The following WTAP variants were observed in gnomAD, a reference collection of about 807,000 sequenced individuals.
WTAP encodes pre-mRNA-splicing regulator WTAP.
In WTAP, 8 loss-of-function variants were observed where a neutral mutation model predicts 50.0. The ratio of observed to expected loss-of-function variants is 0.16; its 90% confidence interval spans 0.09 to 0.29. WTAP has a LOEUF of 0.29. WTAP is among the 10% of genes least tolerant of loss of function. The pLI, the probability that WTAP is intolerant of heterozygous loss-of-function variation, is 1.00. For synonymous variants in WTAP, 194 were observed against 169.0 expected (o/e 1.15, Z -1.15); for missense variants, 295 against 470.7 (o/e 0.63, Z 3.45).
At chr6:159,737,636 G>T (rs1463424289) in intron 2 of WTAP, among the ~76,000 whole-genome samples, 1 of 151,748 alleles carries the variant, frequency 6.6e-6, no homozygotes, top group African/African-American at 2.4e-5. Flanking sequence ...CAGACTACAG[G>T]TGTGCCACTA....
chr6:159,729,183 C>G (rs544635229), intron 1 of WTAP, among the ~76,000 whole-genome samples: 50 of 152,244 alleles, frequency 3.3e-4, no homozygotes, highest in Non-Finnish European at 5.4e-4. Flanking sequence ...TATTGAATCC[C>G]CTTGAATATA....
chr6:159,742,175 CT>C (rs1208737459), intron 4 of WTAP, 29 bp downstream of exon 4: 1 of 1,524,432 alleles, frequency 6.6e-7, no homozygotes. Flanking sequence ...TTCCTAAAGA[CT>C]GAATAATCTC....
At chr6:159,737,160 A>G (rs1778971382) in intron 2 of WTAP, among the ~76,000 whole-genome samples, 1 of 151,892 alleles carries the variant, frequency 6.6e-6, no homozygotes, top group African/African-American at 2.4e-5. Flanking sequence ...CGATCATCCC[A>G]CCTCGGCCTC....
In WTAP at chr6:159,727,622, C is replaced by A. The variant is rs1381635593; in HGVS notation, c.-90C>A. 3.0e-6 allele frequency: 3 copies of A among 985,884 alleles called. No individual in the cohort carries two copies. In the African/African-American group the frequency reaches 5.3e-5, roughly 17 times the overall value. 61.1% of individuals were successfully genotyped at this position (985,884 alleles called of 1,614,324 possible). On this transcript the variant is annotated 5_prime_UTR_variant, in exon 1 of 8. Coordinates refer to ENST00000621533, the MANE Select transcript of WTAP (RefSeq NM_001270531.2). ...CAGAGCTGTCCGGCTGCGCGGTGGC[C>A]CGGGGGGCCCGGGCGGCAGGGCAAG...
chr6:159,734,463 A>C (rs1263308063), intron 1 of WTAP, among the ~76,000 whole-genome samples: 1 of 152,152 alleles, frequency 6.6e-6, no homozygotes, highest in Non-Finnish European at 1.5e-5. Flanking sequence ...ATGGGTAATT[A>C]AAATAAACCA....
intron 6 of WTAP, among the ~76,000 whole-genome samples, chr6:159,751,545 C>T (rs912943072): frequency 6.6e-6 from 1 of 152,206 alleles, no homozygotes; most frequent in Non-Finnish European, 1.5e-5. Context: ...AGGCTAACGC[C>T]TGAGAGTGCT....
intron 2 of WTAP, chr6:159,736,863 A>C (rs1239046946): frequency 1.3e-5 from 2 of 152,184 alleles, no homozygotes; most frequent in South Asian, 4.1e-4. Context: ...GTTATAAAAG[A>C]GGTAACATCG....
chr6:159,740,323 A>G (rs923286686), intron 3 of WTAP, among the ~76,000 whole-genome samples: 3 of 152,228 alleles, frequency 2.0e-5, no homozygotes, highest in African/African-American at 7.2e-5. Flanking sequence ...AGGTTTCTAA[A>G]TCATATGCAG....
intron 6 of WTAP, among the ~76,000 whole-genome samples, chr6:159,752,346 C>A (rs1045633495): frequency 2.0e-5 from 3 of 152,058 alleles, no homozygotes; most frequent in East Asian, 1.9e-4. Context: ...TAAAAGTGAT[C>A]ATTTCTTTTT....
At position 159,751,129 on chromosome 6, in the gene WTAP, CA is replaced by C. The variant is rs201807602; in HGVS notation, c.453-2326del. 5.9e-3 allele frequency among the ~76,000 whole-genome samples: 897 copies of C among 152,158 alleles called. 11 individuals are homozygous for C. The highest frequency in any genetic ancestry group is 0.021 in the African/African-American group (865 of 41,536). On this transcript the variant is annotated intron_variant, in intron 6 of 7. Coordinates refer to ENST00000621533, the MANE Select transcript of WTAP (RefSeq NM_001270531.2). ...TGTTTGTAATTTTAAAAAATTATTT[CA>C]AAAACAACTACTTGTAATTAAATTA...
At chr6:159,743,258 G>A (rs1268532585) in intron 4 of WTAP, among the ~76,000 whole-genome samples, 1 of 152,178 alleles carries the variant, frequency 6.6e-6, no homozygotes, top group Non-Finnish European at 1.5e-5. Context: ...TGTTGGTTAG[G>A]CTGGTCTGAA....
chr6:159,739,433 T>A (rs1779109568), intron 3 of WTAP, among the ~76,000 whole-genome samples: 2 of 152,334 alleles, frequency 1.3e-5, no homozygotes, highest in East Asian at 1.9e-4. Context: ...TTCATACTCT[T>A]CATTTTCTCA....
Position 159,753,631 on chromosome 6 carries a change from T to C in WTAP, c.607+17T>C, listed in dbSNP as rs755311698. 210 of 1,587,954 alleles carry C rather than the reference T, an allele frequency of 1.3e-4. No homozygotes were observed. The highest frequency in any genetic ancestry group is 1.7e-4 in the Non-Finnish European group (203 of 1,167,732). ...GTCAGGATGGTAAGGGGTTTGTTTC[T>C]TTTTGGAACGTTGTCTCAACTTTGC... On this transcript the variant is annotated intron_variant, in intron 7 of 7. Transcript: ENST00000621533.
chr6:159,738,307 A>C (rs1289082449), intron 2 of WTAP, among the ~76,000 whole-genome samples: 3 of 152,174 alleles, frequency 2.0e-5, no homozygotes, highest in African/African-American at 7.2e-5. Flanking sequence ...GTTACTTCAG[A>C]GTGTTATATA....
At position 159,755,750 on chromosome 6, in the gene WTAP, T is replaced by C. The variant is rs1157741119; in HGVS notation, c.*139T>C. ...TTTTTTTTGTTGTTTTTTTTCTTTG[T>C]TTTTTTTTTCTTTTCTTTTTTTTTT... On this transcript the variant is annotated 3_prime_UTR_variant, in exon 8 of 8. Transcript: ENST00000621533. 4 of 1,066,946 alleles carry C rather than the reference T, an allele frequency of 3.7e-6. No homozygotes were observed. Among genetic ancestry groups the C allele is most frequent in the Non-Finnish European group, 4.7e-6 (4 of 846,954 alleles). 66.1% of individuals were successfully genotyped at this position (1,066,946 alleles called of 1,614,324 possible). A position where few individuals can be genotyped will look rare whatever the true frequency, so the allele number is the denominator to read the frequency against.
intron 2 of WTAP, among the ~76,000 whole-genome samples, chr6:159,736,878 T>C (rs2114900092): frequency 6.6e-6 from 1 of 152,292 alleles, no homozygotes; most frequent in African/African-American, 2.4e-5. Flanking sequence ...ACATCGTCTC[T>C]AGGAGGAATT....
In WTAP at chr6:159,753,583, A is replaced by G. The variant is rs1186387430; in HGVS notation, c.576A>G (p.Lys192=). 1 of 1,614,132 alleles carries G rather than the reference A, an allele frequency of 6.2e-7. No homozygotes were observed. The highest frequency in any genetic ancestry group is 8.5e-7 in the Non-Finnish European group (1 of 1,179,978). Residue 192 remains lysine, a synonymous_variant, in exon 7 of 8, where the codon AAA becomes AAG. Transcript: ENST00000621533. Reference sequence around the variant, plus strand: ...AAGCAGAGTTGGCTTTACAGAAGAAATACAGTGAGGAGCTTAAAAGCAGTC... The same window carrying G: ...AAGCAGAGTTGGCTTTACAGAAGAAGTACAGTGAGGAGCTTAAAAGCAGTC... ...QLEAELALQK[K]YSEELKSSQD...
intron 3 of WTAP, among the ~76,000 whole-genome samples, chr6:159,741,044 T>G (rs1404546389): frequency 1.3e-5 from 2 of 152,210 alleles, no homozygotes; most frequent in Non-Finnish European, 2.9e-5. Flanking sequence ...TTTTTAAGAT[T>G]ATAAAATGGT....
intron 4 of WTAP, 91 bp from the exon 5 acceptor site, chr6:159,743,574 A>T (rs1779388949): frequency 1.6e-6 from 2 of 1,240,024 alleles, no homozygotes; most frequent in Non-Finnish European, 2.2e-6. Flanking sequence ...AGACTTGATT[A>T]ATTTTTTGAC....
Sources: allele counts gnomAD v4.1 joint callset (sites outside exome capture counted in the v4.1 genomes callset), GRCh38; gene constraint gnomAD v4.1.1; transcripts MANE v1.5; gene names NCBI Gene and HGNC (gene_info 2026-07-23, HGNC 2026-07-21).